GART: variants seen among roughly 807,000 people sequenced by gnomAD.
GART encodes phosphoribosylglycinamide formyltransferase, phosphoribosylglycinamide synthetase, phosphoribosylaminoimidazole synthetase.
In GART, 43 loss-of-function variants were observed where a neutral mutation model predicts 107.2. The ratio of observed to expected loss-of-function variants is 0.40; its 90% confidence interval spans 0.31 to 0.52. GART has a LOEUF of 0.52. Among genes scored for constraint, GART ranks in the 20% least tolerant of loss-of-function variants. GART has a pLI of 0.52. For synonymous variants in GART, 434 were observed against 427.0 expected, an observed-to-expected ratio of 1.02 and a Z score of -0.20; for missense variants, 1,107 against 1,206.5, an observed-to-expected ratio of 0.92 and a Z score of 1.22.
Position 33,524,987 on chromosome 21 carries a change from A to T in GART, c.1080T>A (p.Ala360=). 1.2e-6 allele frequency: 2 copies of T among 1,614,084 alleles called. No homozygotes were observed. The highest frequency in any genetic ancestry group is 1.7e-6 in the Non-Finnish European group (2 of 1,180,006). ...GGAACACCTCCAGTCCTAGAGCTTG[A>T]GCCTCAGGAAACCCTAGAAGAGAGC... ...KGVEITGFPE[A]QALGLEVFHA... The change falls in exon 11 of 22, where the codon GCT becomes GCA. Residue 360 remains alanine, a synonymous_variant. Transcript: ENST00000381815.
Position 33,524,801 on chromosome 21 carries a change from G to A in GART, c.1266C>T (p.Gly422=), listed in dbSNP as rs749879827. ...FEGAIYRKDV[G]FRAIAFLQQP... ...GCTGGAGGAAAGCTATGGCACGAAA[G>A]CCGACGTCTTTCCTATAAATTGCTC... Residue 422 remains glycine (G), a synonymous_variant, in exon 11 of 22, where the codon GGC becomes GGT. Coordinates refer to ENST00000381815, the MANE Select transcript of GART (RefSeq NM_000819.5). 6.2e-7 allele frequency: 1 copy of A among 1,614,238 alleles called. No individual in the cohort carries two copies. The highest frequency in any genetic ancestry group is 8.5e-7 in the Non-Finnish European group (1 of 1,180,036).
intron 14 of GART, among the ~76,000 whole-genome samples, chr21:33,519,731 A>G (rs1367442247): frequency 6.6e-6 from 1 of 151,510 alleles, no homozygotes; most frequent in Non-Finnish European, 1.5e-5. Context: ...GGGAGGCTGA[A>G]GCAGGAGGAT....
chr21:33,505,763 T>C, intron 19 of GART, 61 bp from the exon 20 acceptor site: 1 of 1,466,364 alleles, frequency 6.8e-7, no homozygotes, highest in Non-Finnish European at 9.2e-7. Flanking sequence ...AATTAAAAAC[T>C]CAACCTTTAC....
chr21:33,519,471 G>A (rs917861576), intron 14 of GART, among the ~76,000 whole-genome samples: 2 of 151,324 alleles, frequency 1.3e-5, no homozygotes, highest in South Asian at 2.1e-4. Flanking sequence ...GGAGAATGGT[G>A]TGAACCCAGG....
At chr21:33,532,648 C>T (rs773927335) in intron 4 of GART, among the ~76,000 whole-genome samples, 192 bp from the exon 5 acceptor site, 15 of 152,168 alleles carry the variant, frequency 9.9e-5, no homozygotes, top group Non-Finnish European at 2.1e-4. Context: ...TTTGTAGTTC[C>T]AATCATACAG....
chr21:33,505,535 T>A, intron 20 of GART, 26 bp downstream of exon 20: 1 of 1,574,504 alleles, frequency 6.4e-7, no homozygotes, highest in South Asian at 1.2e-5. Context: ...GATTTCCCAA[T>A]GTGATGTCAA....
intron 20 of GART, 131 bp from the exon 21 acceptor site, chr21:33,504,658 AAC>A (rs1302695423): frequency 1.5e-6 from 1 of 669,572 alleles, no homozygotes; most frequent in Non-Finnish European, 2.5e-6. Context: ...TTCTTTGCCA[AAC>A]ACAGAAATGA....
chr21:33,542,789 A>C, upstream of GART: 1 of 454,688 alleles, frequency 2.2e-6, no homozygotes. Flanking sequence ...CTGACAACTT[A>C]TGCGGACACG....
intron 1 of GART, among the ~76,000 whole-genome samples, chr21:33,541,846 G>A (rs1316240264): frequency 6.6e-6 from 1 of 152,140 alleles, no homozygotes; most frequent in African/African-American, 2.4e-5. Flanking sequence ...GACACAAAAA[G>A]GCCTTGACAT....
Position 33,529,033 on chromosome 21 carries a change from C to G in GART, c.724-96G>C. The stretch of plus-strand genomic sequence containing the variant: ...ACAGAAGGGGATGATGAGGATAACT[C>G]ATTTTTTTACTACCTGAAACATGCT... On this transcript the variant is annotated intron_variant, in intron 7 of 21. Transcript: ENST00000381815. 1.1e-5 allele frequency: 8 copies of G among 712,870 alleles called. No individual in the cohort carries two copies. The South Asian group carries it at 1.4e-4, about 12-fold the overall frequency. 44.2% of individuals were successfully genotyped at this position (712,870 alleles called of 1,614,324 possible).
intron 5 of GART, 114 bp from the exon 6 acceptor site, chr21:33,531,671 T>C (rs931183548): frequency 2.2e-6 from 2 of 913,092 alleles, no homozygotes; most frequent in Non-Finnish European, 3.3e-6. Context: ...CAGTGAGTAC[T>C]GTAATTTTTC....
intron 18 of GART, among the ~76,000 whole-genome samples, chr21:33,508,779 T>C (rs1190227998): frequency 2.6e-5 from 4 of 152,090 alleles, no homozygotes; most frequent in African/African-American, 7.2e-5. Context: ...CCTCCCAAAG[T>C]GCTAGGATTA....
chr21:33,506,204 C>CGCAG, intron 18 of GART, 100 bp from the exon 19 acceptor site: 3 of 1,349,016 alleles, frequency 2.2e-6, no homozygotes, highest in Non-Finnish European at 3.0e-6. Context: ...AGTGCAGTGC[C>CGCAG]ACGATCTGGG....
chr21:33,538,113 A>T (rs1190376629), intron 2 of GART, among the ~76,000 whole-genome samples: 1 of 151,858 alleles, frequency 6.6e-6, no homozygotes, highest in Admixed American at 6.6e-5. Context: ...GTGTGGCGGC[A>T]TGCACCTGTA....
At chr21:33,529,390 A>T (rs2085138406) in intron 7 of GART, among the ~76,000 whole-genome samples, 1 of 152,094 alleles carries the variant, frequency 6.6e-6, no homozygotes, top group African/African-American at 2.4e-5. Flanking sequence ...ACAGGTGTGA[A>T]CCACTGTGCC....
At position 33,528,912 on chromosome 21, in the gene GART, A is replaced by G; in HGVS notation, c.749T>C (p.Ile250Thr). ...PQVSNDLLLK[I>T]KDTVLQRTVD... ...TGTCCTCTGAAGAACAGTATCTTTA[A>G]TTTTTAGTAATAGATCATTAGAAAC... Residue 250 changes from isoleucine (I) to threonine (T), a missense_variant, in exon 8 of 22, where the codon ATT (isoleucine) becomes ACT (threonine). By Grantham distance (89) the Ile-to-Thr change is moderately conservative. Transcript: ENST00000381815. 1.2e-6 allele frequency: 2 copies of G among 1,612,662 alleles called. No homozygotes were observed. The highest frequency in any genetic ancestry group is 1.7e-6 in the Non-Finnish European group (2 of 1,178,746).
At position 33,532,458 on chromosome 21, in the gene GART, T is replaced by C. The variant is rs767660432; in HGVS notation, c.417-2A>G. Reference sequence around the variant, plus strand: ...ACAACCAAAGCAGGGAAGTCTGCACTGTAAAGACAGAGTAATCGTCAACAT... The same window carrying C: ...ACAACCAAAGCAGGGAAGTCTGCACCGTAAAGACAGAGTAATCGTCAACAT... On this transcript the variant is annotated splice_acceptor_variant, in intron 4 of 21. Coordinates refer to ENST00000381815, the MANE Select transcript of GART (RefSeq NM_000819.5). LOFTEE classifies it high-confidence loss of function. 3 of 1,606,156 alleles carry C rather than the reference T, an allele frequency of 1.9e-6. No individual in the cohort carries two copies. Among genetic ancestry groups the C allele is most frequent in the South Asian group, 1.1e-5 (1 of 90,838 alleles).
rs766014186 is a variant in GART at position 33,524,969 on chromosome 21, C to A, written c.1098G>T (p.Glu366Asp). ...TGAGGGCAGTGCCTGCATGGAACAC[C>A]TCCAGTCCTAGAGCTTGAGCCTCAG... ...GFPEAQALGL[E>D]VFHAGTALKN... is the part of the protein sequence containing the mutation. The change falls in exon 11 of 22, where the codon GAG (glutamate) becomes GAT (aspartate). Residue 366 changes from glutamate (E) to aspartate (D), a missense_variant. Physicochemically the swap from Glu to Asp is conservative, Grantham distance 45. Coordinates refer to ENST00000381815, the MANE Select transcript of GART (RefSeq NM_000819.5). The A allele has an allele frequency of 1.2e-6, 2 of 1,614,178 alleles. No individual in the cohort carries two copies. Among genetic ancestry groups the A allele is most frequent in the Admixed American group, 3.3e-5 (2 of 60,020 alleles).
At position 33,518,739 on chromosome 21, in the gene GART, C is replaced by T. The variant is rs1299081175; in HGVS notation, c.1703-1131G>A. The T allele has an allele frequency of 6.7e-6, 3 of 444,894 alleles. 1 individual carries two copies. The highest frequency in any genetic ancestry group is 1.3e-5 in the Non-Finnish European group (3 of 225,754). The allele number at this position is 444,894 out of a possible 1,614,324, so 27.6% of individuals were successfully genotyped here. A position where few individuals can be genotyped will look rare whatever the true frequency, so the allele number is the denominator to read the frequency against. Reference sequence around the variant, plus strand: ...ACAAGATCTAGAACTTCATCACCATCCCCTCCATTAGCAAGCAGTGCTTTT... The same window carrying T: ...ACAAGATCTAGAACTTCATCACCATTCCCTCCATTAGCAAGCAGTGCTTTT... On this transcript the variant is annotated intron_variant, in intron 14 of 21. Coordinates refer to ENST00000381815, the MANE Select transcript of GART (RefSeq NM_000819.5).
Sources: gnomAD v4.1 joint callset for allele counts (sites outside exome capture counted in the v4.1 genomes callset) on GRCh38, gnomAD v4.1.1 for gene constraint, MANE v1.5 for transcripts, NCBI Gene and HGNC (gene_info 2026-07-23, HGNC 2026-07-21) for gene names.